Variants in CACNG2 observed in about 807,000 individuals in gnomAD.
CACNG2 encodes the protein calcium voltage-gated channel auxiliary subunit gamma 2.
Under a neutral mutation model 25.9 loss-of-function variants are expected in CACNG2, and 3 were observed. The ratio of observed to expected loss-of-function variants is 0.12; its 90% CI spans 0.05 to 0.30. CACNG2 has a LOEUF of 0.30. Among genes scored for constraint, CACNG2 ranks in the 10% least tolerant of loss-of-function variants. CACNG2 has a pLI of 1.00. For synonymous variants in CACNG2, 167 were observed against 173.3 expected (o/e 0.96, Z 0.29); for missense variants, 341 against 432.5 (o/e 0.79, Z 1.88).
At chr22:36,688,359 A>C (rs1229663120) in intron 1 of CACNG2, among the ~76,000 whole-genome samples, 2 of 151,968 alleles carry the variant, frequency 1.3e-5, no homozygotes, top group Non-Finnish European at 1.5e-5. Context: ...AGGCTTGACA[A>C]CACAGCAAGG....
intron 1 of CACNG2, among the ~76,000 whole-genome samples, chr22:36,620,929 A>T (rs1369067657): frequency 6.6e-6 from 1 of 152,222 alleles, no homozygotes; most frequent in African/African-American, 2.4e-5. Flanking sequence ...CTGGAAATCT[A>T]GTGTCAGAGC....
At chr22:36,624,832 A>G (rs1936159568) in intron 1 of CACNG2, among the ~76,000 whole-genome samples, 1 of 151,946 alleles carries the variant, frequency 6.6e-6, no homozygotes, top group Non-Finnish European at 1.5e-5. Flanking sequence ...GATCGAGACC[A>G]TCCTGGCCAA....
At chr22:36,668,039 C>T (rs1434106761) in intron 1 of CACNG2, among the ~76,000 whole-genome samples, 1 of 152,234 alleles carries the variant, frequency 6.6e-6, no homozygotes, top group East Asian at 1.9e-4. Context: ...GATACCGCCA[C>T]AGTCTCTGAG....
intron 1 of CACNG2, among the ~76,000 whole-genome samples, chr22:36,603,379 G>A (rs1297599862): frequency 6.6e-6 from 1 of 152,220 alleles, no homozygotes; most frequent in Non-Finnish European, 1.5e-5. Flanking sequence ...AGGTGAAGGG[G>A]CAAGTGCTGA....
chr22:36,651,224 CTT>C (rs11411019), intron 1 of CACNG2, among the ~76,000 whole-genome samples: 22 of 83,130 alleles, frequency 2.6e-4, no homozygotes, highest in African/African-American at 4.3e-4. Flanking sequence ...CTTCTTCCTC[CTT>C]TTTTTTTTTT....
At chr22:36,663,903 C>A (rs149014319) in intron 1 of CACNG2, among the ~76,000 whole-genome samples, 1 of 152,140 alleles carries the variant, frequency 6.6e-6, no homozygotes, top group South Asian at 2.1e-4. Flanking sequence ...TGAAGAGGCT[C>A]GGAAGGAACC....
At chr22:36,678,993 C>T (rs963793381) in intron 1 of CACNG2, among the ~76,000 whole-genome samples, 2 of 152,244 alleles carry the variant, frequency 1.3e-5, no homozygotes, top group Non-Finnish European at 2.9e-5. Context: ...CAGCACAGCA[C>T]TGAGTAGGTA....
Position 36,564,918 on chromosome 22 carries a change from C to G in CACNG2, c.437-32G>C. On this transcript the variant is annotated intron_variant, in intron 3 of 3. Coordinates refer to ENST00000300105, the MANE Select transcript of CACNG2 (RefSeq NM_006078.5). The surrounding 1 kb of genome is among the most constrained non-coding windows in gnomAD (Gnocchi z 6.7). ...GGCGCAGGGTGGCGGGGTGGGGGAT[C>G]AGAGAGAAGGACGTTAGTTTCTCAG... 3.1e-6 allele frequency: 5 copies of G among 1,594,462 alleles called. No individual in the cohort carries two copies. Among genetic ancestry groups the G allele is most frequent in the Non-Finnish European group, 4.3e-6 (5 of 1,170,940 alleles).
intron 1 of CACNG2, among the ~76,000 whole-genome samples, chr22:36,680,751 C>T (rs1423662251): frequency 6.8e-6 from 1 of 146,770 alleles, no homozygotes; most frequent in African/African-American, 2.5e-5. Flanking sequence ...ACCACCACTA[C>T]CACCACTTTC....
chr22:36,663,490 T>A (rs566568612), intron 1 of CACNG2, among the ~76,000 whole-genome samples: 1 of 152,200 alleles, frequency 6.6e-6, no homozygotes, highest in South Asian at 2.1e-4. Context: ...GCATCCTGAG[T>A]TTTTTTCTTT....
intron 1 of CACNG2, among the ~76,000 whole-genome samples, chr22:36,635,887 C>A (rs1206618133): frequency 2.3e-4 from 35 of 152,158 alleles, no homozygotes; most frequent in Admixed American, 2.2e-3. Context: ...ATCCTCACAT[C>A]CAATCCGTTA....
chr22:36,613,113 A>G (rs1306003402), intron 1 of CACNG2, among the ~76,000 whole-genome samples: 1 of 151,862 alleles, frequency 6.6e-6, no homozygotes, highest in Non-Finnish European at 1.5e-5. Context: ...ATGTGGGAAT[A>G]TAGTGCTCAA....
chr22:36,577,325 A>C (rs1935335631), intron 2 of CACNG2, among the ~76,000 whole-genome samples: 1 of 152,116 alleles, frequency 6.6e-6, no homozygotes, highest in Non-Finnish European at 1.5e-5. Flanking sequence ...CTAGGTCATG[A>C]AATCGGTGTA....
At chr22:36,696,274 TA>T (rs1210010867) in intron 1 of CACNG2, among the ~76,000 whole-genome samples, 2 of 152,202 alleles carry the variant, frequency 1.3e-5, no homozygotes, top group African/African-American at 4.8e-5. Context: ...TTATCTTTTT[TA>T]CTATTGTCCT....
intron 1 of CACNG2, among the ~76,000 whole-genome samples, chr22:36,701,551 CCCTG>C (rs1300560864): frequency 6.6e-6 from 1 of 150,828 alleles, no homozygotes; most frequent in African/African-American, 2.4e-5. Context: ...CTCCCTCCCT[CCCTG>C]CCTGCCTGCA....
intron 1 of CACNG2, among the ~76,000 whole-genome samples, chr22:36,677,061 T>A (rs1451283716): frequency 6.6e-6 from 1 of 152,006 alleles, no homozygotes; most frequent in Non-Finnish European, 1.5e-5. Context: ...GTTCTAACAA[T>A]CTTACAGTAT....
At chr22:36,633,327 G>A (rs1344610446) in intron 1 of CACNG2, among the ~76,000 whole-genome samples, 1 of 152,198 alleles carries the variant, frequency 6.6e-6, no homozygotes, top group African/African-American at 2.4e-5. Flanking sequence ...TGCATTCACG[G>A]AGGGTAACTG....
intron 1 of CACNG2, among the ~76,000 whole-genome samples, chr22:36,694,860 T>G (rs922638826): frequency 5.3e-5 from 8 of 152,140 alleles, no homozygotes; most frequent in African/African-American, 1.9e-4. Flanking sequence ...CTGTCATGGG[T>G]AGCTGAGAAG....
At chr22:36,618,745 C>A (rs974324192) in intron 1 of CACNG2, among the ~76,000 whole-genome samples, 3 of 151,956 alleles carry the variant, frequency 2.0e-5, no homozygotes, top group African/African-American at 7.3e-5. Context: ...ATGGTGAAAC[C>A]CCGTCTCTAC....
Sources: allele counts gnomAD v4.1 joint callset (sites outside exome capture counted in the v4.1 genomes callset), GRCh38; gene constraint gnomAD v4.1.1; non-coding constraint Gnocchi (gnomAD v3.1); transcripts MANE v1.5; gene names NCBI Gene and HGNC (gene_info 2026-07-23, HGNC 2026-07-21).